The following LINGO2 variants were observed in gnomAD, a reference collection of about 807,000 sequenced individuals.
LINGO2 encodes the protein leucine-rich repeat and immunoglobulin-like domain-containing nogo receptor-interacting protein 2.
LINGO2 carries 14 observed loss-of-function variants against 30.6 expected under a neutral mutation model. The ratio of observed to expected loss-of-function variants is 0.46; its 90% CI spans 0.30 to 0.72. The LOEUF (loss-of-function observed/expected upper bound fraction) is 0.72. Among genes scored for constraint, LINGO2 ranks in the 30% least tolerant of loss-of-function variants. LINGO2 has a pLI of 0.07. For synonymous variants in LINGO2, 317 were observed against 288.5 expected (o/e 1.10, Z -1.00); for missense variants, 729 against 751.7 (o/e 0.97, Z 0.35).
At chr9:28,335,417 T>C (rs1825558387) in intron 3 of LINGO2, among the ~76,000 whole-genome samples, 1 of 152,188 alleles carries the variant, frequency 6.6e-6, no homozygotes, top group Non-Finnish European at 1.5e-5. Context: ...ATCTGTTACA[T>C]GTGAAAAACA....
intron 5 of LINGO2, among the ~76,000 whole-genome samples, chr9:27,964,087 A>C (rs1819982038): frequency 6.6e-6 from 1 of 152,072 alleles, no homozygotes; most frequent in Non-Finnish European, 1.5e-5. Flanking sequence ...ATTATCCTCC[A>C]AACCATTGCA....
chr9:28,021,335 CT>C (rs1249911381), intron 4 of LINGO2, among the ~76,000 whole-genome samples: 1 of 152,062 alleles, frequency 6.6e-6, no homozygotes, highest in Admixed American at 6.5e-5. Flanking sequence ...TTATTGATTT[CT>C]ACTTTAATCC....
At chr9:28,391,479 ATC>A (rs746377263) in intron 2 of LINGO2, among the ~76,000 whole-genome samples, 20 of 152,112 alleles carry the variant, frequency 1.3e-4, no homozygotes, top group Non-Finnish European at 2.5e-4. Flanking sequence ...TCGGGAAATC[ATC>A]TGTTTTTCTG....
chr9:28,502,896 G>A (rs565642180), intron 1 of LINGO2, among the ~76,000 whole-genome samples: 2 of 151,986 alleles, frequency 1.3e-5, no homozygotes, highest in Non-Finnish European at 2.9e-5. Flanking sequence ...GAGAAAATGA[G>A]GCATGAAAGG....
At chr9:28,610,322 T>C (rs971524666) in intron 1 of LINGO2, among the ~76,000 whole-genome samples, 2 of 135,268 alleles carry the variant, frequency 1.5e-5, no homozygotes, top group African/African-American at 5.9e-5. Flanking sequence ...CAAGTTTTTC[T>C]GTGTTTTGAA....
Position 28,288,523 on chromosome 9 carries a change from T to C in LINGO2, c.-87+6685A>G, listed in dbSNP as rs16912671. 2.4e-3 allele frequency among the ~76,000 whole-genome samples: 363 copies of C among 152,336 alleles called. 2 individuals carry two copies. Among genetic ancestry groups the C allele is most frequent in the African/African-American group, 8.4e-3 (348 of 41,580 alleles). On this transcript the variant is annotated intron_variant, in intron 4 of 5. Coordinates refer to ENST00000379992, the Ensembl canonical transcript of LINGO2. ...CGTTTGTCCTGAAACGAGCTGTTCA[T>C]ATCTCTGTTTATATGGCTTGTTATT... is the stretch of plus-strand genomic sequence containing the variant.
chr9:28,501,316 T>C (rs10812837), intron 1 of LINGO2, among the ~76,000 whole-genome samples: 26,550 of 152,128 alleles, frequency 0.17, 2,510 homozygotes, highest in East Asian at 0.37. Context: ...AAATACTAAG[T>C]AATTCCAGAT....
intron 4 of LINGO2, among the ~76,000 whole-genome samples, chr9:28,236,901 T>A (rs1036567459): frequency 1.2e-4 from 18 of 152,104 alleles, no homozygotes; most frequent in African/African-American, 4.3e-4. Flanking sequence ...AACTGGATTG[T>A]TTGTAACACA....
At chr9:28,452,073 A>G (rs1013842836) in intron 2 of LINGO2, among the ~76,000 whole-genome samples, 8 of 151,890 alleles carry the variant, frequency 5.3e-5, no homozygotes, top group African/African-American at 1.9e-4. Context: ...TTTATCCAAC[A>G]TTCATATGCA....
the LINGO2 span, among the ~76,000 whole-genome samples, chr9:28,813,107 G>A: frequency 2.0e-5 from 3 of 150,572 alleles, no homozygotes; most frequent in East Asian, 2.0e-4. Flanking sequence ...GTATCATCAC[G>A]TAGATTGTCT....
chr9:27,983,030 C>T lies in LINGO2; in HGVS notation c.-36+29325G>A, dbSNP rs892288781. Among the ~76,000 whole-genome samples, 7 of 151,738 alleles carry T rather than the reference C, an allele frequency of 4.6e-5. No homozygotes were observed. In the South Asian group the frequency reaches 1.5e-3, roughly 32 times the overall value. ...GCCTCTCCCCACAATGAACTGAACA[C>T]ATAAAAACATATAATATGGAAAAAT... On this transcript the variant is annotated intron_variant, in intron 5 of 5. Coordinates refer to ENST00000379992, the Ensembl canonical transcript of LINGO2.
chr9:29,150,384 A>G, the LINGO2 span, among the ~76,000 whole-genome samples: 10 of 152,280 alleles, frequency 6.6e-5, no homozygotes, highest in South Asian at 2.1e-3. Flanking sequence ...CTTACTTCCA[A>G]AGGAGCACAC....
At chr9:28,065,281 T>C (rs538657774) in intron 4 of LINGO2, among the ~76,000 whole-genome samples, 242 of 152,222 alleles carry the variant, frequency 1.6e-3, no homozygotes, top group Middle Eastern at 6.8e-3. Context: ...GGTTTGTATT[T>C]GTTTTGTTCA....
chr9:28,549,582 T>C (rs991217475), intron 1 of LINGO2, among the ~76,000 whole-genome samples: 1 of 152,040 alleles, frequency 6.6e-6, no homozygotes, highest in Non-Finnish European at 1.5e-5. Flanking sequence ...TAGCAGTGTA[T>C]GAAAGCTGCC....
At chr9:28,821,284 G>A in the LINGO2 span, among the ~76,000 whole-genome samples, 13 of 152,298 alleles carry the variant, frequency 8.5e-5, no homozygotes, top group South Asian at 2.7e-3. Context: ...AAAGCCTGCT[G>A]AAACTGTGCT....
the LINGO2 span, among the ~76,000 whole-genome samples, chr9:28,884,453 C>A: frequency 2.6e-5 from 4 of 151,658 alleles, no homozygotes; most frequent in Non-Finnish European, 5.9e-5. Context: ...GACTTACTAT[C>A]GAAAAGAATA....
At chr9:28,117,188 C>A (rs1348797578) in intron 4 of LINGO2, among the ~76,000 whole-genome samples, 3 of 146,704 alleles carry the variant, frequency 2.0e-5, no homozygotes, top group Admixed American at 6.8e-5. Flanking sequence ...TGTCAGTGTG[C>A]CCCTGGTGGG....
intron 4 of LINGO2, among the ~76,000 whole-genome samples, chr9:28,218,598 TTCTGCTC>T (rs1820851252): frequency 6.6e-6 from 1 of 152,152 alleles, no homozygotes; most frequent in African/African-American, 2.4e-5. Flanking sequence ...ATAAATAGAT[TTCTGCTC>T]TGGACTTTGA....
chr9:28,791,175 G>A, the LINGO2 span, among the ~76,000 whole-genome samples: 45 of 152,138 alleles, frequency 3.0e-4, no homozygotes, highest in South Asian at 7.9e-3. Flanking sequence ...TAGAGAAAGT[G>A]GGCGAGAGTA....
Sources: gnomAD v4.1 joint callset for allele counts (sites outside exome capture counted in the v4.1 genomes callset) on GRCh38, gnomAD v4.1.1 for gene constraint, MANE v1.5 for transcripts, NCBI Gene and HGNC (gene_info 2026-07-23, HGNC 2026-07-21) for gene names.